The following GRM8 variants were observed in gnomAD, a reference collection of about 807,000 sequenced individuals.
GRM8 encodes the protein glutamate metabotropic receptor 8.
GRM8 carries 47 observed loss-of-function variants against 87.2 expected under a neutral mutation model. That is an observed-to-expected ratio of 0.54 (90% CI 0.43 to 0.69). The LOEUF (loss-of-function observed/expected upper bound fraction) is 0.69, where lower values mean the gene tolerates loss of function less well. Ranked by LOEUF, GRM8 falls within the 30% of genes least tolerant of loss-of-function variation. The pLI is 0.00. For synonymous variants in GRM8, 396 were observed against 404.5 expected (o/e 0.98, Z 0.25); for missense variants, 1,019 against 1,139.2 (o/e 0.89, Z 1.52).
intron 8 of GRM8, among the ~76,000 whole-genome samples, chr7:126,556,569 C>T (rs1331139761): frequency 2.0e-5 from 3 of 152,044 alleles, no homozygotes; most frequent in African/African-American, 4.8e-5. Context: ...ATTGCTTGAA[C>T]GCAGGAGGCA....
At chr7:127,022,993 T>C (rs984081237) in intron 3 of GRM8, among the ~76,000 whole-genome samples, 1 of 152,106 alleles carries the variant, frequency 6.6e-6, no homozygotes, top group Non-Finnish European at 1.5e-5. Context: ...GGTGACTTTC[T>C]AGAAACCCAG....
At chr7:127,242,473 A>T (rs1279491040) in intron 2 of GRM8, among the ~76,000 whole-genome samples, 1 of 152,068 alleles carries the variant, frequency 6.6e-6, no homozygotes, top group East Asian at 1.9e-4. Context: ...TGTTCAGGAA[A>T]AAAAAAAAAG....
chr7:126,874,382 A>C (rs1799367101), intron 6 of GRM8, among the ~76,000 whole-genome samples: 1 of 152,084 alleles, frequency 6.6e-6, no homozygotes, highest in African/African-American at 2.4e-5. Context: ...TTCATTTTAC[A>C]AACGAAGAGG....
chr7:126,561,988 T>G (rs1030859902), intron 8 of GRM8, among the ~76,000 whole-genome samples: 2 of 152,212 alleles, frequency 1.3e-5, no homozygotes, highest in African/African-American at 4.8e-5. Context: ...ATTTATTCAT[T>G]TCTTTCATTT....
intron 7 of GRM8, among the ~76,000 whole-genome samples, chr7:126,676,417 A>G (rs1806963523): frequency 6.6e-6 from 1 of 152,200 alleles, no homozygotes; most frequent in Non-Finnish European, 1.5e-5. Flanking sequence ...GAATAGCCAA[A>G]GAAATACCAA....
intron 10 of GRM8, among the ~76,000 whole-genome samples, chr7:126,439,856 G>GTGTGTGTGTGTGTGTC (rs757319327): frequency 6.6e-6 from 1 of 151,096 alleles, no homozygotes; most frequent in Non-Finnish European, 1.5e-5. Context: ...GTGTGTGTGT[G>GTGTGTGTGTGTGTGTC]TCTTAGTTTT....
chr7:127,035,216 C>G (rs1817741927), intron 3 of GRM8, among the ~76,000 whole-genome samples: 2 of 152,174 alleles, frequency 1.3e-5, no homozygotes, highest in Non-Finnish European at 2.9e-5. Context: ...GACAAGATCA[C>G]TAGCCCAGAT....
intron 7 of GRM8, among the ~76,000 whole-genome samples, chr7:126,756,038 C>T (rs61609665): frequency 0.022 from 3,350 of 151,704 alleles, 138 homozygotes; most frequent in African/African-American, 0.077. Context: ...ACAAAAATAA[C>T]AACAACAATG....
intron 7 of GRM8, among the ~76,000 whole-genome samples, chr7:126,689,451 T>C (rs926398283): frequency 6.6e-6 from 1 of 152,216 alleles, no homozygotes; most frequent in Non-Finnish European, 1.5e-5. Context: ...ACATGGCTAA[T>C]AGAAGAAAAT....
chr7:126,696,387 C>T (rs969109585), intron 7 of GRM8, among the ~76,000 whole-genome samples: 4 of 151,998 alleles, frequency 2.6e-5, no homozygotes, highest in African/African-American at 9.7e-5. Context: ...TTTCCCTGCC[C>T]CCTACTCCTG....
rs1347371617 is a variant in GRM8 at position 126,714,323 on chromosome 7, T to TAATAAA, written c.1357+55541_1357+55542insTTTATT. ...ATAATAATAATAATAATAATAATAATAAATAGTATCTACCTACAAAGTGCT... is the reference window on the plus strand; with the variant it reads ...ATAATAATAATAATAATAATAATAATAATAAAAAATAGTATCTACCTACAAAGTGCT... On this transcript the variant is annotated intron_variant, in intron 7 of 10. Coordinates refer to ENST00000339582, the MANE Select transcript of GRM8 (RefSeq NM_000845.3). 3.4e-3 allele frequency among the ~76,000 whole-genome samples: 482 copies of TAATAAA among 141,132 alleles called. 5 individuals carry two copies. The highest frequency in any genetic ancestry group is 0.011 in the African/African-American group (429 of 38,128). The allele number at this position is 141,132 out of a possible 152,430, so 92.6% of individuals were successfully genotyped here.
chr7:126,534,664 T>C (rs1012039822), intron 8 of GRM8, among the ~76,000 whole-genome samples: 1 of 152,188 alleles, frequency 6.6e-6, no homozygotes, highest in African/African-American at 2.4e-5. Flanking sequence ...GGTTAAATCA[T>C]AGAATAACTC....
chr7:126,955,770 G>C (rs1376630357), intron 3 of GRM8, among the ~76,000 whole-genome samples: 1 of 152,030 alleles, frequency 6.6e-6, no homozygotes, highest in Non-Finnish European at 1.5e-5. Flanking sequence ...CTGCATTACA[G>C]TGCTGCTTAA....
chr7:126,541,485 C>T (rs1316447016), intron 8 of GRM8, among the ~76,000 whole-genome samples: 2 of 151,982 alleles, frequency 1.3e-5, no homozygotes, highest in Non-Finnish European at 2.9e-5. Flanking sequence ...TGGATGCCAT[C>T]CTGAAGGTAG....
At chr7:127,226,363 T>A (rs188768167) in intron 2 of GRM8, among the ~76,000 whole-genome samples, 1 of 152,232 alleles carries the variant, frequency 6.6e-6, no homozygotes, top group Non-Finnish European at 1.5e-5. Flanking sequence ...TAGCCTTTTA[T>A]AAAAATATTT....
intron 2 of GRM8, among the ~76,000 whole-genome samples, chr7:127,201,905 T>C (rs776598996): frequency 1.3e-5 from 2 of 152,200 alleles, no homozygotes; most frequent in Non-Finnish European, 2.9e-5. Context: ...TATGCTGTAA[T>C]GTTTCAAAGC....
chr7:127,020,682 T>C (rs1271983185), intron 3 of GRM8, among the ~76,000 whole-genome samples: 1 of 152,098 alleles, frequency 6.6e-6, no homozygotes, highest in Non-Finnish European at 1.5e-5. Context: ...ATTCATTTAA[T>C]ACAAATGTGT....
chr7:126,805,865 T>C (rs933314855), intron 6 of GRM8, among the ~76,000 whole-genome samples: 1 of 152,186 alleles, frequency 6.6e-6, no homozygotes, highest in Non-Finnish European at 1.5e-5. Context: ...AGCCTATAGT[T>C]TGAGCTGGTC....
At chr7:126,556,711 C>A (rs1033572294) in intron 8 of GRM8, among the ~76,000 whole-genome samples, 1 of 152,094 alleles carries the variant, frequency 6.6e-6, no homozygotes, top group Non-Finnish European at 1.5e-5. Context: ...CACGAGAGAA[C>A]CTCCAGTCTT....
Sources: gnomAD v4.1 joint callset for allele counts (sites outside exome capture counted in the v4.1 genomes callset) on GRCh38, gnomAD v4.1.1 for gene constraint, MANE v1.5 for transcripts, NCBI Gene and HGNC (gene_info 2026-07-23, HGNC 2026-07-21) for gene names.